The following SLIT1 variants were observed in gnomAD, a reference collection of about 807,000 sequenced individuals.
The protein encoded by SLIT1 is slit homolog 1 protein.
A neutral mutation model predicts 186.1 loss-of-function variants in SLIT1; 66 were observed. The ratio of observed to expected loss-of-function variants is 0.35; its 90% CI spans 0.29 to 0.44. The LOEUF is 0.44. Among genes scored for constraint, SLIT1 ranks in the 20% least tolerant of loss-of-function variants. SLIT1 has a pLI of 1.00. For synonymous variants in SLIT1, 761 were observed against 833.8 expected (o/e 0.91, Z 1.50); for missense variants, 1,638 against 2,037.4 (o/e 0.80, Z 3.77).
intron 25 of SLIT1, among the ~76,000 whole-genome samples, chr10:97,024,249 C>T (rs1451294713): frequency 6.6e-6 from 1 of 152,114 alleles, no homozygotes; most frequent in Non-Finnish European, 1.5e-5. Context: ...CAGGAATTCC[C>T]CAAAATAGCT....
At chr10:97,173,207 C>T (rs1223082491) in intron 1 of SLIT1, among the ~76,000 whole-genome samples, 1 of 152,198 alleles carries the variant, frequency 6.6e-6, no homozygotes, top group East Asian at 1.9e-4. Flanking sequence ...TTGTCTTCCT[C>T]CTGCTCAGGG....
chr10:97,181,510 G>T (rs185063313), intron 1 of SLIT1, among the ~76,000 whole-genome samples: 1 of 152,192 alleles, frequency 6.6e-6, no homozygotes, highest in Non-Finnish European at 1.5e-5. Context: ...CATGGAGATA[G>T]GGCAGGGTGG....
Position 97,021,022 on chromosome 10 carries a change from A to G in SLIT1, c.2746+228T>C, listed in dbSNP as rs1848497597. Among the ~76,000 whole-genome samples the G allele has an allele frequency of 6.6e-6, 1 of 152,180 alleles. No individual in the cohort carries two copies. The highest frequency in any genetic ancestry group is 1.5e-5 in the Non-Finnish European group (1 of 68,040). ...CTATTTTTATTTTCCTTATGTAACC[A>G]CAGGGAGGGATTACGGCCCTGACGG... is the stretch of plus-strand genomic sequence containing the variant. On this transcript the variant is annotated intron_variant, in intron 26 of 36. Transcript: ENST00000266058. This position sits in a 1 kb window ranked among gnomAD's most constrained non-coding sequence, Gnocchi z 4.5.
chr10:97,119,943 A>ATATATATATATATATT (rs1298104412), intron 4 of SLIT1, among the ~76,000 whole-genome samples: 1 of 135,424 alleles, frequency 7.4e-6, no homozygotes, highest in African/African-American at 2.7e-5. Flanking sequence ...ATATATATAT[A>ATATATATATATATATT]TATGTATATG....
At chr10:97,009,771 C>A (rs540554578) in intron 31 of SLIT1, among the ~76,000 whole-genome samples, 2 of 152,302 alleles carry the variant, frequency 1.3e-5, no homozygotes, top group South Asian at 4.1e-4. Context: ...AAAGCCTTTA[C>A]AACTCAACAA....
chr10:97,096,686 G>T (rs996818736), intron 4 of SLIT1, among the ~76,000 whole-genome samples: 1 of 151,594 alleles, frequency 6.6e-6, no homozygotes, highest in Admixed American at 6.6e-5. Context: ...GCTCGACCCC[G>T]AGAGAGGGGA....
At chr10:97,016,597 G>A (rs570302450) in intron 28 of SLIT1, among the ~76,000 whole-genome samples, 2 of 152,080 alleles carry the variant, frequency 1.3e-5, no homozygotes, top group Non-Finnish European at 2.9e-5. Context: ...TTTTGCCATG[G>A]GGATTTTGCC....
chr10:97,085,947 C>T (rs1386861964), intron 4 of SLIT1, among the ~76,000 whole-genome samples: 5 of 152,196 alleles, frequency 3.3e-5, no homozygotes, highest in South Asian at 2.1e-4. Flanking sequence ...AAAGCCAGAG[C>T]ACTGACAACG....
chr10:97,012,303 G>A (rs1365377156), intron 30 of SLIT1, among the ~76,000 whole-genome samples: 1 of 152,088 alleles, frequency 6.6e-6, no homozygotes, highest in Non-Finnish European at 1.5e-5. Flanking sequence ...AATGAGTCTG[G>A]AGTTACAGTC....
chr10:97,020,294 G>C (rs1160819046), intron 26 of SLIT1, among the ~76,000 whole-genome samples: 5 of 152,132 alleles, frequency 3.3e-5, no homozygotes, highest in Non-Finnish European at 1.5e-5. Context: ...TCTTGATCCA[G>C]GTGCAGGTTA....
At position 97,010,808 on chromosome 10, in the gene SLIT1, G is replaced by C. The variant is rs1848403657; in HGVS notation, c.3341+185C>G. ...GTTAGGGGTCCTCTGCCTAGGCCCTGGGCAGTTACATGACTTTCCCAAGGC... is the reference window on the plus strand; with the variant it reads ...GTTAGGGGTCCTCTGCCTAGGCCCTCGGCAGTTACATGACTTTCCCAAGGC... On this transcript the variant is annotated intron_variant, in intron 31 of 36. Coordinates refer to ENST00000266058, the MANE Select transcript of SLIT1 (RefSeq NM_003061.3). This position sits in a 1 kb window ranked among gnomAD's most constrained non-coding sequence, Gnocchi z 4.8. Among the ~76,000 whole-genome samples the C allele has an allele frequency of 6.6e-6, 1 of 152,196 alleles. No individual in the cohort carries two copies.
chr10:97,054,484 C>T (rs1245577845), intron 13 of SLIT1, among the ~76,000 whole-genome samples: 2 of 152,166 alleles, frequency 1.3e-5, no homozygotes, highest in Non-Finnish European at 2.9e-5. Flanking sequence ...GATACAAATT[C>T]AAAATCACCA....
chr10:97,074,883 C>T (rs1849031793), intron 4 of SLIT1, among the ~76,000 whole-genome samples: 1 of 152,242 alleles, frequency 6.6e-6, no homozygotes, highest in Non-Finnish European at 1.5e-5. Flanking sequence ...GAGGTCAAGA[C>T]CCCATGTTCT....
intron 11 of SLIT1, chr10:97,058,235 G>A: frequency 1.6e-6 from 1 of 620,164 alleles, no homozygotes; most frequent in Non-Finnish European, 2.9e-6. Context: ...ATGGAGCAGA[G>A]GGGGCAGGAA....
chr10:97,058,919 A>C (rs1018790113), intron 11 of SLIT1, among the ~76,000 whole-genome samples: 3 of 152,212 alleles, frequency 2.0e-5, no homozygotes, highest in Non-Finnish European at 4.4e-5. Context: ...TTTTATTGAC[A>C]GACTTCCCCA....
At chr10:97,159,869 A>C (rs991783302) in intron 3 of SLIT1, among the ~76,000 whole-genome samples, 2 of 152,114 alleles carry the variant, frequency 1.3e-5, no homozygotes, top group African/African-American at 4.8e-5. Flanking sequence ...TCCTGCCACC[A>C]CTGCACCACG....
chr10:97,063,336 A>G, intron 8 of SLIT1, 119 bp downstream of exon 8: 2 of 1,082,458 alleles, frequency 1.8e-6, no homozygotes, highest in South Asian at 1.4e-5. Flanking sequence ...GGGCCAGGTG[A>G]TGGGCGGGGT....
intron 4 of SLIT1, among the ~76,000 whole-genome samples, chr10:97,115,483 T>C (rs993765976): frequency 1.3e-5 from 2 of 152,094 alleles, no homozygotes; most frequent in Admixed American, 1.3e-4. Flanking sequence ...TCTGGGTGCC[T>C]GTAAGTTTGC....
At chr10:97,037,045 C>T (rs1387327771) in intron 22 of SLIT1, among the ~76,000 whole-genome samples, 1 of 139,010 alleles carries the variant, frequency 7.2e-6, no homozygotes, top group African/African-American at 2.7e-5. Flanking sequence ...AGAATAACCC[C>T]CTTTGTGTGT....
Sources: allele counts gnomAD v4.1 joint callset (sites outside exome capture counted in the v4.1 genomes callset), GRCh38; gene constraint gnomAD v4.1.1; non-coding constraint Gnocchi (gnomAD v3.1); transcripts MANE v1.5; gene names NCBI Gene and HGNC (gene_info 2026-07-23, HGNC 2026-07-21).